The following ERMAP variants were observed in gnomAD, a reference collection of about 807,000 sequenced individuals.
ERMAP encodes erythroblast membrane associated protein (Scianna blood group).
In ERMAP, 34 loss-of-function variants were observed where a neutral mutation model predicts 49.5. The ratio of observed to expected loss-of-function variants is 0.69; its 90% CI spans 0.52 to 0.91. ERMAP has a LOEUF of 0.91. Among genes scored for constraint, ERMAP ranks in the 40% least tolerant of loss-of-function variants. ERMAP has a pLI of 0.00. For missense variants in ERMAP, 541 were observed against 582.6 expected (o/e 0.93, Z 0.74); for synonymous variants, 214 against 232.2 (o/e 0.92, Z 0.71).
intron 2 of ERMAP, 124 bp downstream of exon 2, chr1:42,825,862 C>A: frequency 1.8e-6 from 2 of 1,127,204 alleles, no homozygotes; most frequent in Non-Finnish European, 2.3e-6. Context: ...TGAAATGGGG[C>A]AGTTGTTAGC....
chr1:42,820,967 TC>T (rs1216322042), intron 1 of ERMAP, among the ~76,000 whole-genome samples: 3 of 152,210 alleles, frequency 2.0e-5, no homozygotes, highest in Non-Finnish European at 4.4e-5. Context: ...GTCCCTCCCA[TC>T]CCAAGCCTGG....
intron 2 of ERMAP, among the ~76,000 whole-genome samples, chr1:42,829,396 AC>A: frequency 6.6e-6 from 1 of 152,300 alleles, no homozygotes; most frequent in East Asian, 1.9e-4. Context: ...TCTGACTTAT[AC>A]AAAAGCCTCC....
rs1387334792 is a variant in ERMAP, at chr1:42,843,521, T to C, written c.*289T>C. 5.6e-5 allele frequency: 16 copies of C among 284,208 alleles called. No homozygotes were observed. Among genetic ancestry groups the C allele is most frequent in the Non-Finnish European group, 6.5e-6 (1 of 154,564 alleles). 17.6% of individuals were successfully genotyped at this position (284,208 alleles called of 1,614,324 possible). On this transcript the variant is annotated 3_prime_UTR_variant, in exon 12 of 12. Transcript: ENST00000372517. ...ATGTGTTACCAAGATACAGCACAGGTTCAGGGAAAAGAGTTCGCTACTCCA... is the reference window on the plus strand; with the variant it reads ...ATGTGTTACCAAGATACAGCACAGGCTCAGGGAAAAGAGTTCGCTACTCCA...
chr1:42,843,148 G>A lies in ERMAP; in HGVS notation c.1344G>A (p.Lys448=), dbSNP rs1295974955. ...TGAACTCTTCTTTACTACCCCCGAAGGCCCCAGAGCTGAAGGATATAATCC... is the reference window on the plus strand; with the variant it reads ...TGAACTCTTCTTTACTACCCCCGAAAGCCCCAGAGCTGAAGGATATAATCC... The part of the protein sequence containing the change: ...LKVNSSLLPP[K]APELKDIILS... Residue 448 remains lysine, a synonymous_variant, in exon 12 of 12, where the codon AAG becomes AAA. Coordinates refer to ENST00000372517, the MANE Select transcript of ERMAP (RefSeq NM_001017922.2). The A allele has an allele frequency of 6.2e-7, 1 of 1,614,130 alleles. No individual in the cohort carries two copies. The highest frequency in any genetic ancestry group is 8.5e-7 in the Non-Finnish European group (1 of 1,180,016).
Position 42,842,527 on chromosome 1 carries a change from C to A in ERMAP, c.723C>A (p.Thr241=). The A allele has an allele frequency of 6.2e-7, 1 of 1,612,670 alleles. No individual in the cohort carries two copies. Among genetic ancestry groups the A allele is most frequent in the Non-Finnish European group, 8.5e-7 (1 of 1,179,244 alleles). Residue 241 remains threonine (T), a synonymous_variant, in exon 12 of 12, where the codon ACC becomes ACA. Transcript: ENST00000372517. ...RRARLHFVAV[T]LDPDTAHPKL... ...TGTGTCTCTTTGCAGTGGCAGTGAC[C>A]CTGGACCCAGACACAGCACATCCCA...
At position 42,819,006 on chromosome 1, in the gene ERMAP, G is replaced by T. The variant is rs1383701152; in HGVS notation, c.-122+1753G>T. 6.6e-6 allele frequency among the ~76,000 whole-genome samples: 1 copy of T among 152,124 alleles called. No individual in the cohort carries two copies. On this transcript the variant is annotated intron_variant, in intron 1 of 11. Coordinates refer to ENST00000372517, the MANE Select transcript of ERMAP (RefSeq NM_001017922.2). The surrounding 1 kb of genome is among the most constrained non-coding windows in gnomAD (Gnocchi z 5.1). ...TAGATTACAGCTGAAGACACGGCAGGACCTTTAGAAGCCAGCTAAAAACAA... is the reference window on the plus strand; with the variant it reads ...TAGATTACAGCTGAAGACACGGCAGTACCTTTAGAAGCCAGCTAAAAACAA...
At position 42,844,271 on chromosome 1, in the gene ERMAP, G is replaced by T. The variant is rs572038036; in HGVS notation, c.*1039G>T. The T allele has an allele frequency of 4.0e-4, 160 of 396,522 alleles. No individual in the cohort carries two copies. The highest frequency in any genetic ancestry group is 3.8e-3 in the Admixed American group (87 of 22,690). The allele number at this position is 396,522 out of a possible 1,614,324, so 24.6% of individuals were successfully genotyped here. ...GATGAAATAATGACCTTGATTTTTGGGTGTGTATTGCAGAAGCCTCGTCGC... is the reference window on the plus strand; with the variant it reads ...GATGAAATAATGACCTTGATTTTTGTGTGTGTATTGCAGAAGCCTCGTCGC... On this transcript the variant is annotated 3_prime_UTR_variant, in exon 12 of 12. Transcript: ENST00000372517. This position sits in a 1 kb window ranked among gnomAD's most constrained non-coding sequence, Gnocchi z 4.0.
Position 42,837,191 on chromosome 1 carries a change from G to T in ERMAP, c.616+1G>T. 1.9e-6 allele frequency: 3 copies of T among 1,613,590 alleles called. No homozygotes were observed. The highest frequency in any genetic ancestry group is 2.5e-6 in the Non-Finnish European group (3 of 1,179,578). On this transcript the variant is annotated splice_donor_variant, in intron 7 of 11. Coordinates refer to ENST00000372517, the MANE Select transcript of ERMAP (RefSeq NM_001017922.2). LOFTEE classifies it high-confidence loss of function. ...CTTTCAGACCATGCTAAAGAAAAAG[G>T]TAATGATATAAAAGAGTAAGGGGTA...
rs985622298 is a variant in ERMAP at position 42,843,229 on chromosome 1, T to G, written c.1425T>G (p.Phe475Leu). 5 of 1,575,254 alleles carry G rather than the reference T, an allele frequency of 3.2e-6. No homozygotes were observed. The highest frequency in any genetic ancestry group is 1.4e-5 in the African/African-American group (1 of 73,252). Reference sequence around the variant, plus strand: ...TTCAGGAGCTCAAGGCTCCTTCTTTTTAGGGATATGCCACATTACCTGCTC... The same window carrying G: ...TTCAGGAGCTCAAGGCTCCTTCTTTGTAGGGATATGCCACATTACCTGCTC... ...PALQELKAPS[F>L] Residue 475 changes from phenylalanine (F) to leucine (L), a missense_variant, in exon 12 of 12, where the codon TTT becomes TTG. Phe to Leu is a conservative substitution (Grantham distance 22). Transcript: ENST00000372517.
chr1:42,837,623 T>G (rs1313085058), intron 7 of ERMAP: 4 of 152,912 alleles, frequency 2.6e-5, no homozygotes, highest in African/African-American at 7.2e-5. Flanking sequence ...GTCTGCCACT[T>G]AGGTTTTGGT....
rs376639873 is a variant in ERMAP, at chr1:42,843,248, C to G, written c.*16C>G. 2.6e-6 allele frequency: 4 copies of G among 1,539,092 alleles called. No individual in the cohort carries two copies. The highest frequency in any genetic ancestry group is 3.5e-6 in the Non-Finnish European group (4 of 1,142,358). ...TTCTTTTTAGGGATATGCCACATTA[C>G]CTGCTCCCATCACCATCCAGCCCAG... On this transcript the variant is annotated 3_prime_UTR_variant, in exon 12 of 12. Transcript: ENST00000372517.
chr1:42,835,210 G>T, intron 5 of ERMAP, 56 bp downstream of exon 5: 1 of 812,006 alleles, frequency 1.2e-6, no homozygotes, highest in South Asian at 1.3e-5. Flanking sequence ...TGACTGCTCT[G>T]GGAAAGGGCC....
intron 7 of ERMAP, chr1:42,837,938 T>A (rs539139499): frequency 6.6e-6 from 1 of 152,366 alleles, no homozygotes; most frequent in Non-Finnish European, 1.5e-5. Flanking sequence ...ACACTGGCTG[T>A]TCTGCTCAAG....
chr1:42,834,745 G>A (rs1389530540), intron 4 of ERMAP: 6 of 291,368 alleles, frequency 2.1e-5, no homozygotes, highest in Middle Eastern at 1.1e-3. Flanking sequence ...TAGTAGACAC[G>A]GAGTTTCCCC....
At position 42,825,679 on chromosome 1, in the gene ERMAP, C is replaced by T. The variant is rs1187447396; in HGVS notation, c.-65C>T. ...CTCTCTGCATGGGGAAGGAGTGTTC[C>T]CAGCTTGCAAACTCCAGCTTTGCCT... On this transcript the variant is annotated 5_prime_UTR_variant, in exon 2 of 12. Coordinates refer to ENST00000372517, the MANE Select transcript of ERMAP (RefSeq NM_001017922.2). 7.8e-7 allele frequency: 1 copy of T among 1,289,414 alleles called. No homozygotes were observed. The highest frequency in any genetic ancestry group is 1.2e-5 in the South Asian group (1 of 81,028). The allele number at this position is 1,289,414 out of a possible 1,614,324, so 79.9% of individuals were successfully genotyped here. A position where few individuals can be genotyped will look rare whatever the true frequency, so the allele number is the denominator to read the frequency against.
chr1:42,834,995 T>C (rs765828034), intron 4 of ERMAP, 43 bp from the exon 5 acceptor site: 2 of 832,236 alleles, frequency 2.4e-6, no homozygotes, highest in African/African-American at 1.7e-5. Flanking sequence ...CAGAAGCTCT[T>C]AGACATCTCC....
chr1:42,838,097 A>C (rs1654953756), intron 7 of ERMAP, among the ~76,000 whole-genome samples: 1 of 152,142 alleles, frequency 6.6e-6, no homozygotes, highest in African/African-American at 2.4e-5. Context: ...ACCCCCCTAT[A>C]AAATGGCAAT....
Position 42,842,816 on chromosome 1 carries a change from G to A in ERMAP, c.1012G>A (p.Glu338Lys), listed in dbSNP as rs755168992. Residue 338 changes from glutamate to lysine, a missense_variant, in exon 12 of 12, where the codon GAG becomes AAG. Physicochemically the swap from Glu to Lys is moderately conservative, Grantham distance 56. Transcript: ENST00000372517. ...HWLLRQSRGN[E>K]YEALTSPQTS... ...GCTTCTGCGACAGAGTCGTGGGAAT[G>A]AGTATGAAGCTCTCACATCCCCGCA... 3.7e-6 allele frequency: 6 copies of A among 1,614,174 alleles called. No homozygotes were observed. In the East Asian group the frequency reaches 8.9e-5, roughly 24 times the overall value.
At chr1:42,825,121 AT>A (rs1654506282) in intron 1 of ERMAP, among the ~76,000 whole-genome samples, 1 of 152,212 alleles carries the variant, frequency 6.6e-6, no homozygotes, top group African/African-American at 2.4e-5. Flanking sequence ...AATTATGGAG[AT>A]TATGAACATA....
Sources: allele counts gnomAD v4.1 joint callset (sites outside exome capture counted in the v4.1 genomes callset), GRCh38; gene constraint gnomAD v4.1.1; non-coding constraint Gnocchi (gnomAD v3.1); transcripts MANE v1.5; gene names NCBI Gene and HGNC (gene_info 2026-07-23, HGNC 2026-07-21).